Variants in CPNE4 observed in about 807,000 individuals in gnomAD.
The protein encoded by CPNE4 is copine 4.
In CPNE4, 25 loss-of-function variants were observed where a neutral mutation model predicts 67.9. That is an observed-to-expected ratio of 0.37 (90% CI 0.27 to 0.51). CPNE4 has a LOEUF of 0.51. Ranked by LOEUF, CPNE4 falls within the 20% of genes least tolerant of loss-of-function variation. The probability of loss-of-function intolerance (pLI) is 0.93; values close to 1 mark genes in which losing one functional copy is unlikely to be tolerated. For synonymous variants in CPNE4, 242 were observed against 244.9 expected (o/e 0.99, Z 0.11); for missense variants, 464 against 690.8 (o/e 0.67, Z 3.68).
intron 2 of CPNE4, among the ~76,000 whole-genome samples, chr3:131,740,761 T>C (rs376309597): frequency 4.6e-5 from 7 of 152,342 alleles, no homozygotes; most frequent in African/African-American, 9.6e-5. Flanking sequence ...CTTAAAACCT[T>C]CCGACAACTC....
chr3:131,928,202 T>C lies in CPNE4; in HGVS notation c.-1-22758A>G, dbSNP rs1161021031. ...AAATGTGTAAACATGAGTTCTTATATGATATCGCTGTTCAAAATCCAGAAT... is the reference window on the plus strand; with the variant it reads ...AAATGTGTAAACATGAGTTCTTATACGATATCGCTGTTCAAAATCCAGAAT... On this transcript the variant is annotated intron_variant, in intron 1 of 15. Transcript: ENST00000429747. 3.3e-5 allele frequency among the ~76,000 whole-genome samples: 5 copies of C among 152,216 alleles called. No homozygotes were observed. In the East Asian group the frequency reaches 5.8e-4, roughly 18 times the overall value.
At chr3:131,794,544 G>A (rs950210310) in intron 2 of CPNE4, among the ~76,000 whole-genome samples, 2 of 152,090 alleles carry the variant, frequency 1.3e-5, no homozygotes, top group Non-Finnish European at 2.9e-5. Context: ...CACCCAGCTG[G>A]ACACTGCATT....
At chr3:131,564,139 T>A in intron 11 of CPNE4, 77 bp downstream of exon 11, 1 of 1,567,338 alleles carries the variant, frequency 6.4e-7, no homozygotes. Flanking sequence ...ATTTCCACTT[T>A]CTGCCCAGGA....
At chr3:131,918,815 T>G (rs557465356) in intron 1 of CPNE4, among the ~76,000 whole-genome samples, 2 of 152,290 alleles carry the variant, frequency 1.3e-5, no homozygotes, top group East Asian at 3.9e-4. Flanking sequence ...CCAAAATTAT[T>G]TAATCACAAA....
intron 2 of CPNE4, among the ~76,000 whole-genome samples, chr3:131,726,258 A>G (rs2081996704): frequency 6.6e-6 from 1 of 152,234 alleles, no homozygotes; most frequent in African/African-American, 2.4e-5. Context: ...TTGATTTTCC[A>G]GTGGCATTCC....
intron 2 of CPNE4, among the ~76,000 whole-genome samples, chr3:131,803,359 A>G (rs1225252302): frequency 1.3e-5 from 2 of 152,196 alleles, no homozygotes; most frequent in African/African-American, 4.8e-5. Flanking sequence ...TTTCTAATAC[A>G]GTCAGTCCTA....
At chr3:131,899,750 T>G (rs748859451) in intron 2 of CPNE4, among the ~76,000 whole-genome samples, 2 of 152,152 alleles carry the variant, frequency 1.3e-5, no homozygotes, top group Non-Finnish European at 2.9e-5. Flanking sequence ...TTAATATTGC[T>G]TGTCCCATTT....
chr3:131,805,138 C>G (rs1190976332), intron 2 of CPNE4, among the ~76,000 whole-genome samples: 1 of 152,192 alleles, frequency 6.6e-6, no homozygotes, highest in Non-Finnish European at 1.5e-5. Context: ...CCCATCCAAT[C>G]AGCCCATGTA....
intron 1 of CPNE4, among the ~76,000 whole-genome samples, chr3:132,006,184 CACTG>C (rs969363716): frequency 6.6e-6 from 1 of 152,210 alleles, no homozygotes; most frequent in African/African-American, 2.4e-5. Flanking sequence ...AGTGGCCCCT[CACTG>C]ACTGTCAAAA....
chr3:131,912,898 G>A (rs74980844), intron 1 of CPNE4, among the ~76,000 whole-genome samples: 3,382 of 152,134 alleles, frequency 0.022, 121 homozygotes, highest in African/African-American at 0.075. Flanking sequence ...GCTAGCCTGC[G>A]GACTACACCT....
At chr3:131,904,334 G>T (rs1223922153) in intron 2 of CPNE4, among the ~76,000 whole-genome samples, 1 of 151,982 alleles carries the variant, frequency 6.6e-6, no homozygotes, top group Non-Finnish European at 1.5e-5. Flanking sequence ...CCACATGCAG[G>T]ATTCATCTTT....
rs536083997 is a variant in CPNE4 at position 131,824,621 on chromosome 3, C to T, written c.180+80643G>A. 4.6e-5 allele frequency among the ~76,000 whole-genome samples: 7 copies of T among 152,036 alleles called. No individual in the cohort carries two copies. The South Asian group carries it at 1.0e-3, about 23-fold the overall frequency. On this transcript the variant is annotated intron_variant, in intron 2 of 15. Coordinates refer to ENST00000429747, the MANE Select transcript of CPNE4 (RefSeq NM_130808.3). Reference sequence around the variant, plus strand: ...ATTTAAGCAAGTAAGCCTGTGTAGACTTCTCTCAGAGGAAAATCAGCAAGT... The same window carrying T: ...ATTTAAGCAAGTAAGCCTGTGTAGATTTCTCTCAGAGGAAAATCAGCAAGT...
intron 10 of CPNE4, among the ~76,000 whole-genome samples, chr3:131,569,644 C>CAAAAAAAAAA (rs1225327707): frequency 1.2e-5 from 1 of 85,722 alleles, no homozygotes; most frequent in African/African-American, 3.1e-5. Flanking sequence ...TTTCAAAAAA[C>CAAAAAAAAAA]AAAAAAAACA....
intron 1 of CPNE4, among the ~76,000 whole-genome samples, chr3:132,003,592 CCTT>C (rs6148071): frequency 0.78 from 118,319 of 151,536 alleles, 47,175 homozygotes; most frequent in South Asian, 0.89. Flanking sequence ...GGGTGACAGA[CCTT>C]CTGCTCACCC....
intron 1 of CPNE4, among the ~76,000 whole-genome samples, chr3:131,929,774 A>C (rs1560618966): frequency 6.6e-6 from 1 of 152,286 alleles, no homozygotes; most frequent in Admixed American, 6.5e-5. Context: ...TACCCCTGTC[A>C]GGGGTTTTTA....
At chr3:131,965,504 G>A (rs2107932296) in intron 1 of CPNE4, among the ~76,000 whole-genome samples, 1 of 152,232 alleles carries the variant, frequency 6.6e-6, no homozygotes, top group South Asian at 2.1e-4. Context: ...GACACACATA[G>A]GCTCAAAATA....
intron 2 of CPNE4, among the ~76,000 whole-genome samples, chr3:131,889,141 A>G (rs952378881): frequency 1.3e-5 from 2 of 152,196 alleles, no homozygotes; most frequent in Non-Finnish European, 2.9e-5. Flanking sequence ...CATCATCTCA[A>G]TAGATCCTTA....
At chr3:132,001,979 T>C (rs745699356) in intron 1 of CPNE4, among the ~76,000 whole-genome samples, 23 of 152,124 alleles carry the variant, frequency 1.5e-4, no homozygotes, top group Non-Finnish European at 3.2e-4. Flanking sequence ...TATGATCCTT[T>C]CCAAACATTT....
chr3:131,602,280 C>G (rs12107131), intron 7 of CPNE4, among the ~76,000 whole-genome samples: 111 of 152,232 alleles, frequency 7.3e-4, no homozygotes, highest in African/African-American at 2.5e-3. Context: ...ACAACAACAA[C>G]AGAAAACCCA....
Sources: gnomAD v4.1 joint callset for allele counts (sites outside exome capture counted in the v4.1 genomes callset) on GRCh38, gnomAD v4.1.1 for gene constraint, MANE v1.5 for transcripts, NCBI Gene and HGNC (gene_info 2026-07-23, HGNC 2026-07-21) for gene names.